Variants in SIDT2 observed in about 807,000 individuals in gnomAD.
SIDT2 encodes the protein SID1 transmembrane family, member 2.
Under a neutral mutation model 114.4 loss-of-function variants are expected in SIDT2, and 68 were observed. The ratio of observed to expected loss-of-function variants is 0.59; its 90% CI spans 0.49 to 0.73. The LOEUF is 0.73. Among genes scored for constraint, SIDT2 ranks in the 30% least tolerant of loss-of-function variants. The pLI is 0.00. For synonymous variants in SIDT2, 470 were observed against 438.4 expected (o/e 1.07, Z -0.90); for missense variants, 918 against 1,097.1 (o/e 0.84, Z 2.31).
intron 6 of SIDT2, among the ~76,000 whole-genome samples, chr11:117,183,112 G>A (rs2030358096): frequency 6.6e-6 from 1 of 152,218 alleles, no homozygotes; most frequent in Non-Finnish European, 1.5e-5. Context: ...GGGAGGCCGA[G>A]GTGGGCGGAT....
rs1217520073 is a variant in SIDT2, at chr11:117,190,383, G to A, written c.1617+94G>A. The A allele has an allele frequency of 2.0e-6, 3 of 1,498,944 alleles. No individual in the cohort carries two copies. Among genetic ancestry groups the A allele is most frequent in the Non-Finnish European group, 2.7e-6 (3 of 1,125,066 alleles). 92.9% of individuals were successfully genotyped at this position (1,498,944 alleles called of 1,614,324 possible). A position where few individuals can be genotyped will look rare whatever the true frequency, so the allele number is the denominator to read the frequency against. On this transcript the variant is annotated intron_variant, in intron 17 of 25. Transcript: ENST00000324225. The surrounding 1 kb of genome is among the most constrained non-coding windows in gnomAD (Gnocchi z 4.1). ...CACCCTTTTGGGCAGGCCTGGCCCT[G>A]CCTTCCCCAGCTCTCCCCTCCCCAG...
At chr11:117,182,844 G>T (rs774173746) in intron 6 of SIDT2, 38 bp downstream of exon 6, 1 of 1,595,118 alleles carries the variant, frequency 6.3e-7, no homozygotes, top group African/African-American at 1.3e-5. Context: ...GGTGTGGCTG[G>T]GCGATAAGCT....
Position 117,188,044 on chromosome 11 carries a change from G to C in SIDT2, c.1159+345G>C. ...GGCTGTGGGGCCAGAAAGATTCTAT[G>C]TGCATGGCTTCCCCATGTAATTCCA... On this transcript the variant is annotated intron_variant, in intron 12 of 25. Transcript: ENST00000324225. The surrounding 1 kb of genome is among the most constrained non-coding windows in gnomAD (Gnocchi z 4.0). The C allele has an allele frequency of 1.9e-6, 1 of 527,098 alleles. No individual in the cohort carries two copies. The highest frequency in any genetic ancestry group is 1.6e-5 in the South Asian group (1 of 64,228). 32.7% of individuals were successfully genotyped at this position (527,098 alleles called of 1,614,324 possible). A position where few individuals can be genotyped will look rare whatever the true frequency, so the allele number is the denominator to read the frequency against.
At chr11:117,189,471 C>T in intron 15 of SIDT2, 70 bp downstream of exon 15, 1 of 1,502,878 alleles carries the variant, frequency 6.7e-7, no homozygotes, top group Non-Finnish European at 9.1e-7. Context: ...AGCCTCCCAG[C>T]CTGGGGCCCT....
At chr11:117,193,084 G>C in intron 22 of SIDT2, 69 bp from the exon 23 acceptor site, 1 of 1,511,202 alleles carries the variant, frequency 6.6e-7, no homozygotes. Context: ...AACATGCCTA[G>C]GCAGGGCAGG....
At position 117,189,145 on chromosome 11, in the gene SIDT2, G is replaced by T; in HGVS notation, c.1279-24G>T. On this transcript the variant is annotated intron_variant, in intron 13 of 25. Transcript: ENST00000324225. ...GGCTTCTCCCAAGTAGCAGTAAGTG[G>T]GGCTGATTCCAGCTTCTCCCCAGCA... 3 of 1,612,696 alleles carry T rather than the reference G, an allele frequency of 1.9e-6. No homozygotes were observed. The African/African-American group carries it at 4.0e-5, about 21-fold the overall frequency.
At chr11:117,181,250 T>C (rs1185374267) in intron 1 of SIDT2, among the ~76,000 whole-genome samples, 166 bp from the exon 2 acceptor site, 2 of 151,382 alleles carry the variant, frequency 1.3e-5, no homozygotes, top group African/African-American at 4.9e-5. Context: ...TTTCCTGGAG[T>C]CTGGGGGTTG....
chr11:117,185,893 A>G (rs2170319), intron 8 of SIDT2: 6,600 of 189,112 alleles, frequency 0.035, 109 homozygotes, highest in Non-Finnish European at 0.04. Context: ...AAAAAAAAAA[A>G]AAGTAGAAGA....
chr11:117,184,727 CCTCT>C (rs377658437), intron 8 of SIDT2, among the ~76,000 whole-genome samples: 1 of 151,962 alleles, frequency 6.6e-6, no homozygotes, highest in Admixed American at 6.6e-5. Context: ...AAAGAAGGTG[CCTCT>C]CTTTCTTTTT....
At position 117,192,712 on chromosome 11, in the gene SIDT2, T is replaced by A; in HGVS notation, c.2058+62T>A. The A allele has an allele frequency of 1.2e-6, 2 of 1,611,912 alleles. No homozygotes were observed. The highest frequency in any genetic ancestry group is 2.7e-5 in the African/African-American group (2 of 74,920). ...TCCTTTCTTCCCTCTGATGGGGGAG[T>A]GGGGCTGGGCTGAGGACCCAGGGGA... is the stretch of plus-strand genomic sequence containing the variant. On this transcript the variant is annotated intron_variant, in intron 21 of 25. Coordinates refer to ENST00000324225, the MANE Select transcript of SIDT2 (RefSeq NM_001040455.2). This position sits in a 1 kb window ranked among gnomAD's most constrained non-coding sequence, Gnocchi z 5.9.
rs768554309 is a variant in SIDT2, at chr11:117,192,349, C to T, written c.1968C>T (p.Gly656=). 2 of 1,601,488 alleles carry T rather than the reference C, an allele frequency of 1.2e-6. No homozygotes were observed. The highest frequency in any genetic ancestry group is 1.7e-6 in the Non-Finnish European group (2 of 1,168,858). The change falls in exon 20 of 26, where the codon GGC becomes GGT. Residue 656 remains glycine (G), a synonymous_variant. Transcript: ENST00000324225. This position sits in a 1 kb window ranked among gnomAD's most constrained non-coding sequence, Gnocchi z 5.9. The part of the protein sequence containing the change: ...LLLSTQLYYM[G]RWKLDSGIFR... ...TCAGCACGCAGCTCTATTACATGGG[C>T]CGGTGGAAACTGGGTAAGGGCACGC...
At chr11:117,191,754 G>C in intron 18 of SIDT2, 124 bp from the exon 19 acceptor site, 2 of 1,366,188 alleles carry the variant, frequency 1.5e-6, no homozygotes, top group East Asian at 4.6e-5. Flanking sequence ...CCTGCCACCA[G>C]CTCACACCAT....
rs1427494035 is a variant in SIDT2 at position 117,193,172 on chromosome 11, A to G, written c.2125A>G (p.Met709Val). 3.1e-6 allele frequency: 5 copies of G among 1,614,046 alleles called. No individual in the cohort carries two copies. Among genetic ancestry groups the G allele is most frequent in the Non-Finnish European group, 3.4e-6 (4 of 1,180,004 alleles). The change falls in exon 23 of 26, where the codon ATG becomes GTG. Residue 709 changes from methionine to valine, a missense_variant. Transcript: ENST00000324225. ...TGCCAGGGCTGCCTATGGGCTTATC[A>G]TGCGCCCCAATGATTTCGCTTCCTA... ...NWSLAAYGLI[M>V]RPNDFASYLL...
chr11:117,179,712 G>GAGA (rs2030190514), intron 1 of SIDT2: 30 of 431,186 alleles, frequency 7.0e-5, no homozygotes, highest in Non-Finnish European at 1.1e-4. Flanking sequence ...TGTGGTCTGA[G>GAGA]CACACATGGC....
chr11:117,181,894 C>A lies in SIDT2; in HGVS notation c.393C>A (p.Tyr131Ter). The change falls in exon 3 of 26, where the codon TAC becomes TAA. Residue 131 changes from tyrosine (Y) to a stop codon, truncating the protein, a stop_gained. Transcript: ENST00000324225. LOFTEE classifies it high-confidence loss of function. Reference protein sequence around the residue: ...TKNESEIQFFYVDVSTLSPVN... With the variant: ...TKNESEIQFF The stretch of plus-strand genomic sequence containing the variant: ...ATGAGTCGGAGATTCAGTTCTTCTA[C>A]GTGGATGTGTCCACCCTGTCACCAG... The A allele has an allele frequency of 1.9e-6, 3 of 1,614,198 alleles. No homozygotes were observed. Among genetic ancestry groups the A allele is most frequent in the Non-Finnish European group, 2.5e-6 (3 of 1,180,030 alleles).
rs756741378 is a variant in SIDT2, at chr11:117,186,103, G to C, written c.869-27G>C. On this transcript the variant is annotated intron_variant, in intron 8 of 25. Coordinates refer to ENST00000324225, the MANE Select transcript of SIDT2 (RefSeq NM_001040455.2). ...GGGAGGTGGTGGAAGGTTTTGACCT[G>C]TCCACCTTCCTGTTTCCTCCTTGAA... 3 of 1,598,566 alleles carry C rather than the reference G, an allele frequency of 1.9e-6. No homozygotes were observed. In the African/African-American group the frequency reaches 4.0e-5, roughly 21 times the overall value.
chr11:117,181,468 C>T lies in SIDT2; in HGVS notation c.236C>T (p.Pro79Leu), dbSNP rs747496699. The change falls in exon 2 of 26, where the codon CCG becomes CTG. Residue 79 changes from proline to leucine, a missense_variant. By Grantham distance (98) the Pro-to-Leu change is moderately conservative. This residue lies in a region of SIDT2 where 553 missense variants were observed against 600.1 expected (regional missense o/e 0.92). Transcript: ENST00000324225. The part of the protein sequence containing the change: ...VNVLNKQKGA[P>L]LLFVVRQKEA... ...GTCCTGAACAAGCAGAAGGGGGCGC[C>T]GTTGCTGTTTGTGGTCCGCCAGAAG... The T allele has an allele frequency of 7.4e-6, 12 of 1,613,560 alleles. No homozygotes were observed. Among genetic ancestry groups the T allele is most frequent in the South Asian group, 5.5e-5 (5 of 91,052 alleles).
chr11:117,189,217 C>T lies in SIDT2; in HGVS notation c.1327C>T (p.Arg443Trp), dbSNP rs778503296. 7.4e-6 allele frequency: 12 copies of T among 1,614,116 alleles called. No individual in the cohort carries two copies. The highest frequency in any genetic ancestry group is 1.1e-5 in the South Asian group (1 of 91,092). The stretch of plus-strand genomic sequence containing the variant: ...GGCACGGAAGGACAAGCGTGTTCTG[C>T]GGAAAAAGTACCAGATCTACTTCTG... ...DLARKDKRVL[R>W]KKYQIYFWNI... The change falls in exon 14 of 26, where the codon CGG becomes TGG. Residue 443 changes from arginine to tryptophan, a missense_variant. Coordinates refer to ENST00000324225, the MANE Select transcript of SIDT2 (RefSeq NM_001040455.2).
At position 117,191,905 on chromosome 11, in the gene SIDT2, G is replaced by C. The variant is rs368910480; in HGVS notation, c.1763G>C (p.Gly588Ala). ...FDTSFMYMIA[G>A]LCMLKLYQKR... is the part of the protein sequence containing the mutation. ...ACATCGTTCATGTACATGATCGCCG[G>C]ACTCTGCATGCTGAAGCTCTACCAG... The change falls in exon 19 of 26, where the codon GGA (glycine) becomes GCA (alanine). Residue 588 changes from glycine to alanine, a missense_variant. This residue lies in a region of SIDT2 where 275 missense variants were observed against 397.6 expected (regional missense o/e 0.69). Coordinates refer to ENST00000324225, the MANE Select transcript of SIDT2 (RefSeq NM_001040455.2). 37 of 1,613,958 alleles carry C rather than the reference G, an allele frequency of 2.3e-5. No homozygotes were observed. Among genetic ancestry groups the C allele is most frequent in the Non-Finnish European group, 3.1e-5 (36 of 1,180,018 alleles).
Sources: allele counts gnomAD v4.1 joint callset (sites outside exome capture counted in the v4.1 genomes callset), GRCh38; gene constraint gnomAD v4.1.1; regional missense constraint gnomAD v4.1.1; non-coding constraint Gnocchi (gnomAD v3.1); transcripts MANE v1.5; gene names NCBI Gene and HGNC (gene_info 2026-07-23, HGNC 2026-07-21).